The following NBAS variants were observed in gnomAD, a reference collection of about 807,000 sequenced individuals.
NBAS encodes the protein NBAS subunit of NRZ tethering complex, also known as NAG/BC035112 fusion.
In NBAS, 219 loss-of-function variants were observed where a neutral mutation model predicts 302.5. The ratio of observed to expected loss-of-function variants is 0.72; its 90% CI spans 0.65 to 0.81. The LOEUF (loss-of-function observed/expected upper bound fraction) is 0.81. Ranked by LOEUF, NBAS falls within the 30% of genes least tolerant of loss-of-function variation. The pLI is 0.00. For synonymous variants in NBAS, 1,118 were observed against 1,021.6 expected (o/e 1.09, Z -1.80); for missense variants, 2,932 against 2,841.6 (o/e 1.03, Z -0.72).
intron 3 of NBAS, among the ~76,000 whole-genome samples, 170 bp downstream of exon 3, chr2:15,556,613 G>C (rs1664657956): frequency 6.6e-6 from 1 of 152,164 alleles, no homozygotes; most frequent in Non-Finnish European, 1.5e-5. Context: ...AGTCTACTGA[G>C]ATATCTTGTC....
chr2:15,016,000 A>G, the NBAS span, among the ~76,000 whole-genome samples: 1 of 152,202 alleles, frequency 6.6e-6, no homozygotes, highest in Non-Finnish European at 1.5e-5. Flanking sequence ...CCAACCGGAA[A>G]AGAAATCAAG....
the NBAS span, among the ~76,000 whole-genome samples, chr2:14,955,207 G>A: frequency 0.44 from 67,526 of 152,190 alleles, 19,118 homozygotes; most frequent in African/African-American, 0.82. Flanking sequence ...TTAAAGTTCC[G>A]AAATGATCTC....
At position 15,275,687 on chromosome 2, in the gene NBAS, G is replaced by T; in HGVS notation, c.5521C>A (p.Leu1841Ile). Residue 1841 changes from leucine (L) to isoleucine (I), a missense_variant, in exon 44 of 52, where the codon CTT becomes ATT. Leu to Ile is a conservative substitution (Grantham distance 5). Coordinates refer to ENST00000281513, the MANE Select transcript of NBAS (RefSeq NM_015909.4). ...ATGGTGTACAGAGAGCTTGGGGAAA[G>T]CATCTGTCCATCCTTTTCAGGGATT... ...PKIPEKDGQM[L>I]SPSSLYTIWL... 1 of 1,614,198 alleles carries T rather than the reference G, an allele frequency of 6.2e-7. No homozygotes were observed. The highest frequency in any genetic ancestry group is 8.5e-7 in the Non-Finnish European group (1 of 1,180,046).
chr2:15,525,344 GGTCTGT>G (rs1195558594), intron 9 of NBAS, among the ~76,000 whole-genome samples: 1 of 152,136 alleles, frequency 6.6e-6, no homozygotes, highest in Non-Finnish European at 1.5e-5. Flanking sequence ...GAAGAACTAT[GGTCTGT>G]GCCCAGTACA....
the NBAS span, among the ~76,000 whole-genome samples, chr2:15,087,701 A>G: frequency 0.02 from 3,047 of 152,334 alleles, 131 homozygotes; most frequent in East Asian, 0.11. Context: ...GATACAGGAA[A>G]TGTCAGCCGG....
the NBAS span, among the ~76,000 whole-genome samples, chr2:15,092,378 C>T: frequency 6.6e-6 from 1 of 152,230 alleles, no homozygotes; most frequent in East Asian, 1.9e-4. Flanking sequence ...CAAAGTAAGG[C>T]AATGTATGTT....
the NBAS span, among the ~76,000 whole-genome samples, chr2:15,029,010 G>A: frequency 6.6e-6 from 1 of 152,146 alleles, no homozygotes; most frequent in African/African-American, 2.4e-5. Context: ...GAGTGAATGA[G>A]TTTATTCCCT....
chr2:15,220,061 C>G (rs1464930962), intron 47 of NBAS, among the ~76,000 whole-genome samples: 2 of 147,852 alleles, frequency 1.4e-5, no homozygotes, highest in Admixed American at 6.7e-5. Flanking sequence ...CCGGACGGGG[C>G]GGCTGGCCGG....
At chr2:14,983,079 T>A in the NBAS span, among the ~76,000 whole-genome samples, 1 of 152,192 alleles carries the variant, frequency 6.6e-6, no homozygotes. Flanking sequence ...CCACCACTTA[T>A]TAGGTCTTTG....
intron 25 of NBAS, among the ~76,000 whole-genome samples, chr2:15,408,791 A>G (rs1330264934): frequency 6.6e-6 from 1 of 152,242 alleles, no homozygotes; most frequent in Non-Finnish European, 1.5e-5. Flanking sequence ...CTCTGAATCT[A>G]TAAAATGCGA....
At position 15,473,332 on chromosome 2, in the gene NBAS, A is replaced by T; in HGVS notation, c.1615T>A (p.Tyr539Asn). 6.2e-7 allele frequency: 1 copy of T among 1,613,798 alleles called. No individual in the cohort carries two copies. The highest frequency in any genetic ancestry group is 1.1e-5 in the South Asian group (1 of 91,046). ...TGAGCCAAGGACAAGGCTTCCTCATACTCTTCACTTTCAATCTTCAGATAA... is the reference window on the plus strand; with the variant it reads ...TGAGCCAAGGACAAGGCTTCCTCATTCTCTTCACTTTCAATCTTCAGATAA... ...LYQRKIESEE[Y>N]EEALSLAHTY... Residue 539 changes from tyrosine to asparagine, a missense_variant, in exon 16 of 52, where the codon TAT (tyrosine) becomes AAT (asparagine). Physicochemically the swap from Tyr to Asn is moderately radical, Grantham distance 143. Coordinates refer to ENST00000281513, the MANE Select transcript of NBAS (RefSeq NM_015909.4).
intron 35 of NBAS, among the ~76,000 whole-genome samples, chr2:15,347,719 T>C (rs1280618649): frequency 6.6e-6 from 1 of 152,188 alleles, no homozygotes; most frequent in Non-Finnish European, 1.5e-5. Context: ...TAATACTAGC[T>C]AAACAAAATG....
intron 21 of NBAS, among the ~76,000 whole-genome samples, chr2:15,446,681 A>G (rs946323424): frequency 2.6e-5 from 4 of 152,200 alleles, no homozygotes; most frequent in African/African-American, 9.6e-5. Context: ...AAGAGCAAAA[A>G]TAACAAAAAT....
chr2:15,468,713 A>G (rs1163446419), intron 16 of NBAS, among the ~76,000 whole-genome samples, 180 bp from the exon 17 acceptor site: 2 of 152,222 alleles, frequency 1.3e-5, no homozygotes, highest in Admixed American at 1.3e-4. Context: ...GGTGACTACA[A>G]CTGGATGCGG....
the NBAS span, among the ~76,000 whole-genome samples, chr2:15,076,379 C>T: frequency 1.3e-5 from 2 of 152,180 alleles, no homozygotes; most frequent in Admixed American, 1.3e-4. Context: ...GCCCTTTCTG[C>T]TGATAACGTG....
intron 38 of NBAS, among the ~76,000 whole-genome samples, chr2:15,317,479 T>C (rs1671567688): frequency 6.6e-6 from 1 of 152,152 alleles, no homozygotes; most frequent in African/African-American, 2.4e-5. Context: ...TTCTAATGCA[T>C]TGCAAGGAAG....
chr2:15,305,894 C>T (rs573278755), intron 40 of NBAS, among the ~76,000 whole-genome samples: 167 of 152,300 alleles, frequency 1.1e-3, no homozygotes, highest in African/African-American at 3.2e-3. Flanking sequence ...GATCTAATTT[C>T]AGCACCAGCA....
the NBAS span, among the ~76,000 whole-genome samples, chr2:15,119,102 C>A: frequency 6.6e-6 from 1 of 152,014 alleles, no homozygotes; most frequent in East Asian, 1.9e-4. Flanking sequence ...TAGATCTCCT[C>A]ATGGGGGTGT....
chr2:14,783,676 T>G, the NBAS span, among the ~76,000 whole-genome samples: 2 of 151,868 alleles, frequency 1.3e-5, no homozygotes, highest in East Asian at 1.9e-4. Context: ...CTGCATAGTA[T>G]TCCATGGTGT....
Sources: gnomAD v4.1 joint callset for allele counts (sites outside exome capture counted in the v4.1 genomes callset) on GRCh38, gnomAD v4.1.1 for gene constraint, MANE v1.5 for transcripts, NCBI Gene and HGNC (gene_info 2026-07-23, HGNC 2026-07-21) for gene names.